CCDC192: variants seen among roughly 807,000 people sequenced by gnomAD.
CCDC192 encodes the protein coiled-coil domain containing 192, also known as coiled-coil domain-containing protein 192.
At chr5:127,803,625 A>G (rs1757625951) in intron 5 of CCDC192, among the ~76,000 whole-genome samples, 1 of 152,150 alleles carries the variant, frequency 6.6e-6, no homozygotes, top group South Asian at 2.1e-4. Flanking sequence ...GCTTAGCCCC[A>G]TCTGTTCACT....
intron 5 of CCDC192, among the ~76,000 whole-genome samples, chr5:127,841,380 G>A (rs1750278554): frequency 6.6e-6 from 1 of 152,148 alleles, no homozygotes; most frequent in African/African-American, 2.4e-5. Flanking sequence ...CACCAGATGG[G>A]GTTGAAGGGA....
intron 2 of CCDC192, among the ~76,000 whole-genome samples, chr5:127,724,847 C>CAAAAAAAA (rs71223028): frequency 8.3e-5 from 10 of 120,890 alleles, no homozygotes; most frequent in African/African-American, 2.0e-4. Context: ...GACTCCGTCT[C>CAAAAAAAA]AAAAAAAAAA....
intron 5 of CCDC192, among the ~76,000 whole-genome samples, chr5:127,838,890 G>A (rs561481659): frequency 6.6e-6 from 1 of 152,308 alleles, no homozygotes; most frequent in African/African-American, 2.4e-5. Context: ...TGTCGCTGGG[G>A]TGACTCAGCC....
intron 6 of CCDC192, among the ~76,000 whole-genome samples, chr5:127,932,307 T>C (rs569203723): frequency 1.3e-5 from 2 of 152,132 alleles, no homozygotes; most frequent in Admixed American, 6.5e-5. Flanking sequence ...CAAGTTCAAG[T>C]GATACTCCCA....
At chr5:127,853,898 T>G (rs1465159343) in intron 5 of CCDC192, among the ~76,000 whole-genome samples, 3 of 152,214 alleles carry the variant, frequency 2.0e-5, no homozygotes, top group Admixed American at 6.5e-5. Flanking sequence ...CCAGGTGTTG[T>G]GTACTTCCAA....
chr5:127,783,732 T>C (rs892918252), intron 3 of CCDC192, among the ~76,000 whole-genome samples: 2 of 152,186 alleles, frequency 1.3e-5, no homozygotes, highest in African/African-American at 4.8e-5. Context: ...CAGTGGAGTA[T>C]TGAAGTCCCC....
At chr5:127,932,730 G>A (rs951260416) in intron 6 of CCDC192, among the ~76,000 whole-genome samples, 1 of 152,166 alleles carries the variant, frequency 6.6e-6, no homozygotes, top group African/African-American at 2.4e-5. Flanking sequence ...TTTGGGCACA[G>A]GGGATACAGT....
intron 2 of CCDC192, among the ~76,000 whole-genome samples, chr5:127,741,827 A>G (rs1336442729): frequency 2.0e-5 from 3 of 152,154 alleles, no homozygotes; most frequent in Non-Finnish European, 2.9e-5. Flanking sequence ...CTAGAGATAG[A>G]CCTGGAATAT....
chr5:127,795,713 T>C (rs1394254221), intron 3 of CCDC192, among the ~76,000 whole-genome samples: 1 of 152,128 alleles, frequency 6.6e-6, no homozygotes, highest in Non-Finnish European at 1.5e-5. Flanking sequence ...CCCTAGTAGC[T>C]GGGACTACAG....
chr5:127,936,603 A>T (rs1754192951), intron 6 of CCDC192, among the ~76,000 whole-genome samples: 1 of 152,168 alleles, frequency 6.6e-6, no homozygotes. Flanking sequence ...AAAATGATGA[A>T]GAATGATGTA....
intron 2 of CCDC192, among the ~76,000 whole-genome samples, chr5:127,708,072 C>T (rs1189544314): frequency 6.6e-6 from 1 of 151,968 alleles, no homozygotes; most frequent in Non-Finnish European, 1.5e-5. Context: ...TATAGACATC[C>T]CTGGGCTATT....
At chr5:127,937,926 A>G (rs1334248929) in intron 6 of CCDC192, among the ~76,000 whole-genome samples, 1 of 152,208 alleles carries the variant, frequency 6.6e-6, no homozygotes, top group African/African-American at 2.4e-5. Context: ...AAAACTGAGG[A>G]GAGAAAAGAT....
At chr5:127,874,460 C>A (rs1310132158) in intron 5 of CCDC192, among the ~76,000 whole-genome samples, 1 of 152,094 alleles carries the variant, frequency 6.6e-6, no homozygotes, top group East Asian at 1.9e-4. Context: ...AATGAGGGGT[C>A]TTTGAAATGA....
rs1447185931 is a variant in CCDC192, at chr5:127,941,227, A to G, written c.581A>G (p.Glu194Gly). Residue 194 changes from glutamate (E) to glycine (G), a missense_variant, in exon 7 of 7, where the codon GAA becomes GGA. By Grantham distance (98) the Glu-to-Gly change is moderately conservative. Coordinates refer to ENST00000514853, the MANE Select transcript of CCDC192 (RefSeq NM_001317938.2). ...TTCTGTGGAGGTCTCCCACCTGTGG[A>G]AGAAGGTGATAGAAAAATTAGCCTG... ...EGFCGGLPPV[E>G]EGDRKISLIM... The G allele has an allele frequency of 2.5e-6, 1 of 398,884 alleles. No individual in the cohort carries two copies. Among genetic ancestry groups the G allele is most frequent in the Non-Finnish European group, 4.4e-6 (1 of 226,062 alleles). 24.7% of individuals were successfully genotyped at this position (398,884 alleles called of 1,614,324 possible). A position where few individuals can be genotyped will look rare whatever the true frequency, so the allele number is the denominator to read the frequency against.
intron 6 of CCDC192, among the ~76,000 whole-genome samples, chr5:127,886,379 A>G (rs1752559714): frequency 6.6e-6 from 1 of 152,158 alleles, no homozygotes. Flanking sequence ...CTGAACTTGT[A>G]TTATTATACA....
chr5:127,809,185 T>A (rs1460410059), intron 5 of CCDC192, among the ~76,000 whole-genome samples: 2 of 152,110 alleles, frequency 1.3e-5, no homozygotes, highest in Non-Finnish European at 2.9e-5. Context: ...TTATTTATAG[T>A]CTAAGTTCAA....
intron 5 of CCDC192, among the ~76,000 whole-genome samples, chr5:127,815,880 A>AT (rs576209513): frequency 0.012 from 1,846 of 152,166 alleles, 48 homozygotes; most frequent in African/African-American, 0.043. Context: ...AAAAAAAATA[A>AT]AAATAAAAGA....
At chr5:127,810,825 G>A (rs756179919) in intron 5 of CCDC192, among the ~76,000 whole-genome samples, 42 of 152,230 alleles carry the variant, frequency 2.8e-4, no homozygotes, top group African/African-American at 9.4e-4. Context: ...GTTCAGTTTC[G>A]GTCATTTGGG....
chr5:127,843,358 C>G (rs1221668573), intron 5 of CCDC192, among the ~76,000 whole-genome samples: 1 of 151,284 alleles, frequency 6.6e-6, no homozygotes, highest in Non-Finnish European at 1.5e-5. Context: ...TTTTTAATCT[C>G]TTAGTGACTT....
Sources: allele counts gnomAD v4.1 joint callset (sites outside exome capture counted in the v4.1 genomes callset), GRCh38; gene constraint gnomAD v4.1.1; transcripts MANE v1.5; gene names NCBI Gene and HGNC (gene_info 2026-07-23, HGNC 2026-07-21).